PLA2R1: variants seen among roughly 807,000 people sequenced by gnomAD.
PLA2R1 encodes secretory phospholipase A2 receptor.
PLA2R1 carries 158 observed loss-of-function variants against 195.9 expected under a neutral mutation model. The observed-to-expected ratio is 0.81, with a 90% CI of 0.71 to 0.92. PLA2R1 has a LOEUF of 0.92. Among genes scored for constraint, PLA2R1 ranks in the 40% least tolerant of loss-of-function variants. The probability of loss-of-function intolerance (pLI) is 0.00; values close to 1 mark genes in which losing one functional copy is unlikely to be tolerated. For missense variants in PLA2R1, 1,626 were observed against 1,764.6 expected (o/e 0.92, Z 1.41); for synonymous variants, 586 against 598.2 (o/e 0.98, Z 0.30).
intron 11 of PLA2R1, among the ~76,000 whole-genome samples, chr2:159,992,742 T>A (rs1385450395): frequency 2.0e-5 from 3 of 152,118 alleles, no homozygotes; most frequent in Non-Finnish European, 4.4e-5. Flanking sequence ...GCTGGAGGCA[T>A]CACACTACCT....
intron 11 of PLA2R1, among the ~76,000 whole-genome samples, chr2:159,999,770 A>G (rs1028807404): frequency 6.6e-6 from 1 of 152,142 alleles, no homozygotes; most frequent in Non-Finnish European, 1.5e-5. Flanking sequence ...ATTTTTAAAA[A>G]CACAGAGAGA....
In PLA2R1 at chr2:160,062,605, C is replaced by T. The variant is rs527343934; in HGVS notation, c.-202G>A. ...CCGCTGTCTCCACAGTGAACCGACA[C>T]TCGGGGCTCTGGGCTGGGATGCGGG... On this transcript the variant is annotated 5_prime_UTR_variant, in exon 1 of 30. In the 5' UTR this introduces an upstream ATG that the reference lacks. Coordinates refer to ENST00000283243, the MANE Select transcript of PLA2R1 (RefSeq NM_007366.5). 1.5e-5 allele frequency: 14 copies of T among 930,902 alleles called. No homozygotes were observed. In the East Asian group the frequency reaches 4.0e-4, roughly 27 times the overall value. The allele number at this position is 930,902 out of a possible 1,614,324, so 57.7% of individuals were successfully genotyped here.
At chr2:159,994,483 G>C (rs1440596566) in intron 11 of PLA2R1, among the ~76,000 whole-genome samples, 1 of 152,010 alleles carries the variant, frequency 6.6e-6, no homozygotes, top group Non-Finnish European at 1.5e-5. Context: ...AGAAATTTGA[G>C]CATTAACTGA....
intron 8 of PLA2R1, among the ~76,000 whole-genome samples, chr2:160,019,857 T>A (rs545975339): frequency 6.6e-6 from 1 of 152,328 alleles, no homozygotes; most frequent in African/African-American, 2.4e-5. Flanking sequence ...CAGAAATGCT[T>A]TCTGTGGCTG....
rs754060735 is a variant in PLA2R1 at position 159,979,919 on chromosome 2, A to G, written c.2184-5T>C. 1.3e-6 allele frequency: 2 copies of G among 1,545,926 alleles called. No homozygotes were observed. Among genetic ancestry groups the G allele is most frequent in the East Asian group, 2.3e-5 (1 of 44,422 alleles). On this transcript the variant is annotated splice_polypyrimidine_tract_variant and splice_region_variant and intron_variant, in intron 13 of 29. Coordinates refer to ENST00000283243, the MANE Select transcript of PLA2R1 (RefSeq NM_007366.5). ...CAGAACTGCCTTTCTTCTGTCCTGTAAAGAGAAGAAACAAAAGCTTTGCCT... is the reference window on the plus strand; with the variant it reads ...CAGAACTGCCTTTCTTCTGTCCTGTGAAGAGAAGAAACAAAAGCTTTGCCT...
At chr2:159,988,911 G>A (rs1574744726) in intron 11 of PLA2R1, among the ~76,000 whole-genome samples, 1 of 152,194 alleles carries the variant, frequency 6.6e-6, no homozygotes. Context: ...ATTTGCTAAA[G>A]AATGAGTGTA....
chr2:159,955,125 G>T, intron 23 of PLA2R1, 74 bp downstream of exon 23: 2 of 1,118,312 alleles, frequency 1.8e-6, no homozygotes, highest in Non-Finnish European at 2.7e-6. Context: ...TAGCTACACA[G>T]CTGTGTAAAA....
intron 9 of PLA2R1, 139 bp downstream of exon 9, chr2:160,016,475 G>C: frequency 1.7e-6 from 1 of 586,230 alleles, no homozygotes; most frequent in South Asian, 2.0e-5. Context: ...GAAAGAAGGG[G>C]GGGGTGCGAG....
In PLA2R1 at chr2:159,946,916, A is replaced by G; in HGVS notation, c.3852T>C (p.Gly1284=). 6.3e-7 allele frequency: 1 copy of G among 1,585,622 alleles called. No homozygotes were observed. The highest frequency in any genetic ancestry group is 8.6e-7 in the Non-Finnish European group (1 of 1,158,294). ...EAAHEFCKKE[G]SNLLTIKDEA... The stretch of plus-strand genomic sequence containing the variant: ...CATCCTTGATTGTTAAAAGATTAGA[A>G]CCTATAAGAGAGACAAGTAGCAAAG... Residue 1284 remains glycine (G), a splice_region_variant and synonymous_variant, in exon 27 of 30, where the codon GGT becomes GGC. Transcript: ENST00000283243.
At chr2:160,001,904 G>A (rs1263948587) in intron 11 of PLA2R1, among the ~76,000 whole-genome samples, 1 of 151,442 alleles carries the variant, frequency 6.6e-6, no homozygotes, top group Non-Finnish European at 1.5e-5. Context: ...GATTGATCAC[G>A]TGGGCAAAAA....
intron 1 of PLA2R1, among the ~76,000 whole-genome samples, chr2:160,056,697 C>T (rs1243336133): frequency 6.6e-6 from 1 of 152,196 alleles, no homozygotes; most frequent in Non-Finnish European, 1.5e-5. Context: ...ACTATCCAGA[C>T]GGTTTCTTTG....
chr2:160,049,702 T>C (rs1004401243), intron 1 of PLA2R1, among the ~76,000 whole-genome samples: 10 of 152,134 alleles, frequency 6.6e-5, no homozygotes, highest in African/African-American at 2.4e-4. Context: ...GGTGCGTGCC[T>C]GTATTCCCAG....
rs560614573 is a variant in PLA2R1, at chr2:160,002,039, A to T, written c.1834+3613T>A. Among the ~76,000 whole-genome samples the T allele has an allele frequency of 8.6e-5, 13 of 151,776 alleles. No individual in the cohort carries two copies. The South Asian group carries it at 2.5e-3, about 29-fold the overall frequency. ...AGTACATATGGGATATATATATATA[A>T]AAAGAACACATGCAAGGCCATAATA... is the stretch of plus-strand genomic sequence containing the variant. On this transcript the variant is annotated intron_variant, in intron 11 of 29. Coordinates refer to ENST00000283243, the MANE Select transcript of PLA2R1 (RefSeq NM_007366.5).
chr2:160,014,039 A>AT (rs1052516786), intron 9 of PLA2R1, among the ~76,000 whole-genome samples: 1 of 151,934 alleles, frequency 6.6e-6, no homozygotes, highest in African/African-American at 2.4e-5. Flanking sequence ...AATATTAGAG[A>AT]TTTTTTTCAA....
chr2:159,958,469 C>A (rs1257991564), intron 20 of PLA2R1, among the ~76,000 whole-genome samples: 1 of 152,078 alleles, frequency 6.6e-6, no homozygotes, highest in Admixed American at 6.6e-5. Context: ...TGGTCTAATA[C>A]AATATCTTTC....
At chr2:160,030,476 T>C (rs1440168571) in intron 4 of PLA2R1, among the ~76,000 whole-genome samples, 2 of 152,274 alleles carry the variant, frequency 1.3e-5, no homozygotes, top group Non-Finnish European at 2.9e-5. Flanking sequence ...TTTTAAAATC[T>C]AGTTAAAATA....
At chr2:159,961,550 T>A (rs140691195) in intron 20 of PLA2R1, among the ~76,000 whole-genome samples, 25 of 151,966 alleles carry the variant, frequency 1.6e-4, no homozygotes, top group African/African-American at 5.5e-4. Context: ...TTATCAATAA[T>A]TTTTTTTTAT....
chr2:159,942,037 G>T, intron 29 of PLA2R1, 45 bp from the exon 30 acceptor site: 1 of 1,549,672 alleles, frequency 6.5e-7, no homozygotes, highest in Non-Finnish European at 8.9e-7. Flanking sequence ...CTTCAGTGGC[G>T]ATGAAGTAAT....
chr2:159,987,067 G>C (rs566529572), intron 12 of PLA2R1, 89 bp downstream of exon 12: 1 of 981,662 alleles, frequency 1.0e-6, no homozygotes, highest in Non-Finnish European at 1.6e-6. Flanking sequence ...GAAAAAAAAA[G>C]GGCCCCGGAA....
Sources: gnomAD v4.1 joint callset for allele counts (sites outside exome capture counted in the v4.1 genomes callset) on GRCh38, gnomAD v4.1.1 for gene constraint, MANE v1.5 for transcripts, NCBI Gene and HGNC (gene_info 2026-07-23, HGNC 2026-07-21) for gene names.